Variants in PREX1 observed in about 807,000 individuals in gnomAD.
PREX1 encodes phosphatidylinositol-3,4,5-trisphosphate dependent Rac exchange factor 1.
A neutral mutation model predicts 198.3 loss-of-function variants in PREX1; 41 were observed. The ratio of observed to expected loss-of-function variants is 0.21; its 90% CI spans 0.16 to 0.27. The LOEUF is 0.27. PREX1 is among the 10% of genes least tolerant of loss of function. The probability of loss-of-function intolerance (pLI) is 1.00; values close to 1 mark genes in which losing one functional copy is unlikely to be tolerated. For missense variants in PREX1, 1,620 were observed against 2,200.7 expected, an observed-to-expected ratio of 0.74 and a Z score of 5.28; for synonymous variants, 843 against 887.2, an observed-to-expected ratio of 0.95 and a Z score of 0.89.
chr20:48,702,563 A>C (rs2089880870), intron 6 of PREX1, among the ~76,000 whole-genome samples: 1 of 152,270 alleles, frequency 6.6e-6, no homozygotes, highest in South Asian at 2.1e-4. Context: ...GCCAGGGCAC[A>C]TCCTCGAAAG....
intron 39 of PREX1, among the ~76,000 whole-genome samples, chr20:48,627,121 G>C (rs765648329): frequency 1.3e-5 from 2 of 152,010 alleles, no homozygotes; most frequent in Non-Finnish European, 2.9e-5. Flanking sequence ...GTTAGCTTAG[G>C]TTGGATCAGC....
chr20:48,651,055 T>G lies in PREX1; in HGVS notation c.2656A>C (p.Ile886Leu). 6.2e-7 allele frequency: 1 copy of G among 1,613,830 alleles called. No individual in the cohort carries two copies. Among genetic ancestry groups the G allele is most frequent in the South Asian group, 1.1e-5 (1 of 91,064 alleles). ...PRGCFGLTAK[I>L]LEAFAANDSV... ...TCATTGGCAGCAAAGGCCTCGAGGA[T>G]CTGCAGAAATGTCAACAGCTACTGA... Residue 886 changes from isoleucine to leucine, a missense_variant and splice_region_variant, in exon 23 of 40, where the codon ATC becomes CTC. Around this residue, in one of 7 missense-constraint regions of PREX1, gnomAD observed 514 missense variants for 611.6 expected, o/e 0.84. Coordinates refer to ENST00000371941, the MANE Select transcript of PREX1 (RefSeq NM_020820.4).
chr20:48,752,629 C>T (rs557523586), intron 1 of PREX1, among the ~76,000 whole-genome samples: 3 of 152,284 alleles, frequency 2.0e-5, no homozygotes, highest in African/African-American at 4.8e-5. Flanking sequence ...ACTATCTCCC[C>T]GAGTGCCTTG....
chr20:48,702,958 T>C (rs569914369), intron 6 of PREX1, among the ~76,000 whole-genome samples: 13 of 152,202 alleles, frequency 8.5e-5, no homozygotes, highest in Non-Finnish European at 1.6e-4. Context: ...AAACAAGAAG[T>C]GATGTTGTCC....
chr20:48,632,153 G>T, intron 35 of PREX1, 124 bp downstream of exon 35: 1 of 855,654 alleles, frequency 1.2e-6, no homozygotes, highest in Non-Finnish European at 1.9e-6. Flanking sequence ...CACAGAAGGT[G>T]CTCAAGAAAG....
intron 13 of PREX1, among the ~76,000 whole-genome samples, chr20:48,676,926 C>A (rs550410955): frequency 6.6e-6 from 1 of 152,316 alleles, no homozygotes; most frequent in South Asian, 2.1e-4. Flanking sequence ...ACGGTTCTTT[C>A]CTGAGGTAAC....
chr20:48,652,759 G>A, intron 20 of PREX1, 53 bp from the exon 21 acceptor site: 1 of 1,579,982 alleles, frequency 6.3e-7, no homozygotes, highest in Non-Finnish European at 8.6e-7. Flanking sequence ...GTAGGGAGGA[G>A]GGGACAGGGC....
intron 1 of PREX1, among the ~76,000 whole-genome samples, chr20:48,750,082 G>A (rs1448014884): frequency 6.6e-6 from 1 of 151,780 alleles, no homozygotes; most frequent in Non-Finnish European, 1.5e-5. Context: ...CCCACTTAAT[G>A]GCACCTCTGT....
At chr20:48,832,951 G>A (rs957900186), upstream of PREX1, among the ~76,000 whole-genome samples, 7 of 152,134 alleles carry the variant, frequency 4.6e-5, no homozygotes, top group Non-Finnish European at 7.4e-5. Flanking sequence ...CAACATGCAC[G>A]ACTTCTTCTC....
intron 25 of PREX1, among the ~76,000 whole-genome samples, chr20:48,648,248 C>T (rs2089465803): frequency 6.6e-6 from 1 of 152,198 alleles, no homozygotes; most frequent in African/African-American, 2.4e-5. Context: ...CACGTAATTC[C>T]ACCACACCTA....
chr20:48,832,272 G>A (rs570681287), upstream of PREX1, among the ~76,000 whole-genome samples: 35 of 152,306 alleles, frequency 2.3e-4, no homozygotes, highest in African/African-American at 7.9e-4. Context: ...TCACAGTTGA[G>A]GGGGAGAAGA....
rs2089641652 is a variant in PREX1 at position 48,666,514 on chromosome 20, A to T, written c.1666-159T>A. Among the ~76,000 whole-genome samples, 1 of 148,942 alleles carries T rather than the reference A, an allele frequency of 6.7e-6. No homozygotes were observed. The highest frequency in any genetic ancestry group is 1.5e-5 in the Non-Finnish European group (1 of 66,910). On this transcript the variant is annotated intron_variant, in intron 14 of 39. Transcript: ENST00000371941. The surrounding 1 kb of genome is among the most constrained non-coding windows in gnomAD (Gnocchi z 4.3). ...GTAACCCCAAAACGGGTTTGTGATT[A>T]TTATTTTTTATTATTATTATTATTT...
chr20:48,725,114 C>A (rs1337429476), intron 5 of PREX1, among the ~76,000 whole-genome samples: 2 of 152,218 alleles, frequency 1.3e-5, no homozygotes, highest in Admixed American at 6.5e-5. Flanking sequence ...CATCACCCAC[C>A]TTCTCCAGCA....
the PREX1 span, among the ~76,000 whole-genome samples, chr20:48,882,363 G>A: frequency 6.6e-6 from 1 of 151,698 alleles, no homozygotes; most frequent in Non-Finnish European, 1.5e-5. Flanking sequence ...TTAGCCGGGT[G>A]TGGTGGCGGG....
chr20:48,870,950 CAAAAAAAAAAAAAAA>C, the PREX1 span, among the ~76,000 whole-genome samples: 2 of 594 alleles, frequency 3.4e-3, no homozygotes, highest in African/African-American at 0.05. Context: ...GACTCCATCT[CAAAAAAAAAAAAAAA>C]AAAAAAAAAA....
the PREX1 span, among the ~76,000 whole-genome samples, chr20:48,869,489 A>C: frequency 0.013 from 2,001 of 151,090 alleles, 42 homozygotes; most frequent in African/African-American, 0.046. Context: ...GATTTAACCC[A>C]CCCCCATTTA....
intron 1 of PREX1, among the ~76,000 whole-genome samples, chr20:48,777,114 A>C (rs747667758): frequency 6.6e-6 from 1 of 152,168 alleles, no homozygotes; most frequent in Non-Finnish European, 1.5e-5. Flanking sequence ...GCTAACGTTT[A>C]TGAGCAACGG....
At chr20:48,768,903 C>T (rs536921626) in intron 1 of PREX1, among the ~76,000 whole-genome samples, 1 of 151,856 alleles carries the variant, frequency 6.6e-6, no homozygotes, top group Admixed American at 6.6e-5. Context: ...ACCAATGGAG[C>T]TGTGCACTTC....
At chr20:48,658,283 A>G (rs1032595224) in intron 16 of PREX1, 55 bp from the exon 17 acceptor site, 2 of 1,572,132 alleles carry the variant, frequency 1.3e-6, no homozygotes, top group African/African-American at 2.7e-5. Flanking sequence ...GCCTACGGCC[A>G]GCCCCACCGT....
Sources: allele counts gnomAD v4.1 joint callset (sites outside exome capture counted in the v4.1 genomes callset), GRCh38; gene constraint gnomAD v4.1.1; regional missense constraint gnomAD v4.1.1; non-coding constraint Gnocchi (gnomAD v3.1); transcripts MANE v1.5; gene names NCBI Gene and HGNC (gene_info 2026-07-23, HGNC 2026-07-21).